Variants in CADM2 observed in about 807,000 individuals in gnomAD.
CADM2 encodes the protein immunoglobulin superfamily member 4D.
In CADM2, 12 loss-of-function variants were observed where a neutral mutation model predicts 49.8. The observed-to-expected ratio is 0.24, with a 90% CI of 0.15 to 0.39. CADM2 has a LOEUF of 0.39. CADM2 is among the 10% of genes least tolerant of loss of function. CADM2 has a pLI of 1.00. For missense variants in CADM2, 378 were observed against 492.3 expected, an observed-to-expected ratio of 0.77 and a Z score of 2.20; for synonymous variants, 214 against 175.4, an observed-to-expected ratio of 1.22 and a Z score of -1.74.
chr3:85,081,188 G>T (rs939529094), intron 1 of CADM2, among the ~76,000 whole-genome samples: 1 of 152,074 alleles, frequency 6.6e-6, no homozygotes, highest in Non-Finnish European at 1.5e-5. Flanking sequence ...TTAAGTTTAT[G>T]TTATAGTCAG....
chr3:85,950,586 C>T (rs1723311950), intron 7 of CADM2, among the ~76,000 whole-genome samples: 1 of 151,064 alleles, frequency 6.6e-6, no homozygotes, highest in Admixed American at 6.6e-5. Flanking sequence ...CCATTATTTT[C>T]AAGTCTTCTA....
chr3:85,001,538 C>T (rs2033462748), intron 1 of CADM2, among the ~76,000 whole-genome samples: 1 of 151,950 alleles, frequency 6.6e-6, no homozygotes, highest in South Asian at 2.1e-4. Flanking sequence ...GTTCAAAGAT[C>T]AGAAAGGCAA....
intron 2 of CADM2, among the ~76,000 whole-genome samples, chr3:85,801,736 T>C (rs2072054220): frequency 6.6e-6 from 1 of 152,174 alleles, no homozygotes; most frequent in Admixed American, 6.6e-5. Flanking sequence ...AGTACCGTAT[T>C]AACTAATGCA....
At chr3:85,420,655 A>G (rs1012439633) in intron 1 of CADM2, among the ~76,000 whole-genome samples, 5 of 152,226 alleles carry the variant, frequency 3.3e-5, no homozygotes, top group African/African-American at 1.2e-4. Flanking sequence ...CGTGAAACAG[A>G]AAATCTTTAT....
intron 1 of CADM2, among the ~76,000 whole-genome samples, chr3:85,615,232 G>C (rs1352740090): frequency 6.6e-6 from 1 of 151,780 alleles, no homozygotes. Flanking sequence ...GAGAAAGAGA[G>C]AAAGAAAAGA....
intron 1 of CADM2, among the ~76,000 whole-genome samples, chr3:85,180,466 GC>G (rs1261187168): frequency 7.1e-6 from 1 of 140,602 alleles, no homozygotes; most frequent in Admixed American, 7.6e-5. Flanking sequence ...CCGCGGTAGC[GC>G]CACTGCACTG....
At chr3:85,215,769 C>T (rs928565662) in intron 1 of CADM2, among the ~76,000 whole-genome samples, 2 of 152,134 alleles carry the variant, frequency 1.3e-5, no homozygotes, top group Non-Finnish European at 2.9e-5. Context: ...TGATTCACCT[C>T]TGGCCAGGGC....
intron 1 of CADM2, among the ~76,000 whole-genome samples, chr3:85,357,298 G>T (rs141149040): frequency 1.3e-5 from 2 of 152,060 alleles, no homozygotes; most frequent in African/African-American, 2.4e-5. Context: ...CAAAGAAAAA[G>T]AATTTAATAT....
chr3:85,375,760 A>G (rs1179743839), intron 1 of CADM2, among the ~76,000 whole-genome samples: 1 of 152,188 alleles, frequency 6.6e-6, no homozygotes, highest in Non-Finnish European at 1.5e-5. Context: ...TATTTTCATG[A>G]CTTGGTTCCC....
intron 1 of CADM2, among the ~76,000 whole-genome samples, chr3:85,325,005 A>T (rs541377244): frequency 6.6e-6 from 1 of 152,330 alleles, no homozygotes; most frequent in South Asian, 2.1e-4. Context: ...AAAATTAAAA[A>T]TCAAAGCTAA....
chr3:85,822,012 C>A (rs1577397908), intron 3 of CADM2, among the ~76,000 whole-genome samples: 2 of 152,056 alleles, frequency 1.3e-5, no homozygotes, highest in Admixed American at 6.6e-5. Flanking sequence ...AGTAATTTTT[C>A]ATATTAAATG....
At chr3:85,171,566 A>G (rs1362991667) in intron 1 of CADM2, among the ~76,000 whole-genome samples, 1 of 152,200 alleles carries the variant, frequency 6.6e-6, no homozygotes, top group East Asian at 1.9e-4. Flanking sequence ...TAGAGGTGAG[A>G]CACAGAAAGG....
intron 1 of CADM2, among the ~76,000 whole-genome samples, chr3:85,322,475 T>A (rs958523025): frequency 6.6e-6 from 1 of 152,206 alleles, no homozygotes; most frequent in Non-Finnish European, 1.5e-5. Context: ...GAAAAGTGTT[T>A]CATTTTTACC....
At chr3:85,209,793 T>A (rs2107765057) in intron 1 of CADM2, among the ~76,000 whole-genome samples, 1 of 152,314 alleles carries the variant, frequency 6.6e-6, no homozygotes, top group East Asian at 1.9e-4. Context: ...GCTCTCTGTT[T>A]TCCAGAACCT....
chr3:85,244,744 A>G (rs1477257080), intron 1 of CADM2, among the ~76,000 whole-genome samples: 3 of 151,982 alleles, frequency 2.0e-5, no homozygotes, highest in Non-Finnish European at 2.9e-5. Context: ...ATTCCATTAT[A>G]TTTTTCTGTT....
chr3:85,089,251 T>TA (rs886661502), intron 1 of CADM2, among the ~76,000 whole-genome samples: 10 of 151,884 alleles, frequency 6.6e-5, no homozygotes, highest in South Asian at 4.1e-4. Flanking sequence ...CATTTTTATT[T>TA]AAAAAAAATA....
chr3:85,951,311 A>T (rs1723395703), intron 7 of CADM2, among the ~76,000 whole-genome samples: 1 of 151,082 alleles, frequency 6.6e-6, no homozygotes, highest in African/African-American at 2.4e-5. Flanking sequence ...TAATCAATAC[A>T]AGTAACTGCA....
chr3:85,242,969 A>G (rs1026099683), intron 1 of CADM2, among the ~76,000 whole-genome samples: 3 of 151,796 alleles, frequency 2.0e-5, no homozygotes, highest in African/African-American at 4.8e-5. Flanking sequence ...GGATAAAAAT[A>G]ACTCATGTAT....
At chr3:85,094,661 T>C (rs1354089434) in intron 1 of CADM2, among the ~76,000 whole-genome samples, 1 of 152,190 alleles carries the variant, frequency 6.6e-6, no homozygotes, top group Non-Finnish European at 1.5e-5. Flanking sequence ...CAAATATTGG[T>C]CAACAGCTTC....
Sources: allele counts gnomAD v4.1 joint callset (sites outside exome capture counted in the v4.1 genomes callset), GRCh38; gene constraint gnomAD v4.1.1; transcripts MANE v1.5; gene names NCBI Gene and HGNC (gene_info 2026-07-23, HGNC 2026-07-21).